DOCK1: variants seen among roughly 807,000 people sequenced by gnomAD.
DOCK1 encodes the protein dedicator of cytokinesis protein 1.
A neutral mutation model predicts 262.7 loss-of-function variants in DOCK1; 138 were observed. That is an observed-to-expected ratio of 0.53 (90% CI 0.46 to 0.61). DOCK1 has a LOEUF of 0.61. Ranked by LOEUF, DOCK1 falls within the 20% of genes least tolerant of loss-of-function variation. The pLI is 0.00. For synonymous variants in DOCK1, 866 were observed against 867.4 expected (o/e 1.00, Z 0.03); for missense variants, 1,908 against 2,370.7 (o/e 0.80, Z 4.05).
intron 23 of DOCK1, among the ~76,000 whole-genome samples, chr10:127,083,191 G>T (rs932223806): frequency 6.6e-6 from 1 of 152,206 alleles, no homozygotes; most frequent in Non-Finnish European, 1.5e-5. Context: ...TGAACATTTT[G>T]CCTGGCATGC....
intron 23 of DOCK1, among the ~76,000 whole-genome samples, chr10:127,079,273 G>C (rs1023213932): frequency 5.9e-5 from 9 of 152,144 alleles, no homozygotes; most frequent in African/African-American, 2.2e-4. Context: ...CAGCAACTCT[G>C]ACTCCTTCAG....
intron 27 of DOCK1, among the ~76,000 whole-genome samples, chr10:127,144,562 G>A (rs1287644343): frequency 6.6e-6 from 1 of 152,162 alleles, no homozygotes; most frequent in Non-Finnish European, 1.5e-5. Flanking sequence ...TCTAATCTCA[G>A]CAAAGTGCTG....
chr10:127,422,088 C>T (rs72843706), intron 46 of DOCK1, among the ~76,000 whole-genome samples: 21,000 of 150,256 alleles, frequency 0.14, 1,913 homozygotes, highest in African/African-American at 0.26. Context: ...CACCATTTGA[C>T]ATTCCCACCA....
chr10:127,237,328 C>G (rs1476667499), intron 27 of DOCK1, among the ~76,000 whole-genome samples: 3 of 148,422 alleles, frequency 2.0e-5, no homozygotes, highest in Admixed American at 6.8e-5. Context: ...CCATTGCACT[C>G]CACCCTGGGT....
intron 38 of DOCK1, among the ~76,000 whole-genome samples, chr10:127,398,716 A>T (rs898264069): frequency 7.3e-5 from 11 of 150,904 alleles, no homozygotes; most frequent in African/African-American, 2.7e-4. Flanking sequence ...AGTTACTTAC[A>T]GCTAGTCAGC....
At chr10:127,079,841 G>A (rs1323676202) in intron 23 of DOCK1, among the ~76,000 whole-genome samples, 1 of 152,172 alleles carries the variant, frequency 6.6e-6, no homozygotes, top group East Asian at 1.9e-4. Context: ...TGAGGCAGGA[G>A]AATTGCTTGA....
intron 29 of DOCK1, among the ~76,000 whole-genome samples, chr10:127,261,533 A>G (rs1258973328): frequency 2.2e-5 from 2 of 89,728 alleles, no homozygotes; most frequent in Non-Finnish European, 4.4e-5. Context: ...ATGTGTGTGC[A>G]TGTGGGTGTG....
chr10:127,257,690 G>C, intron 29 of DOCK1: 1 of 333,126 alleles, frequency 3.0e-6, no homozygotes, highest in Non-Finnish European at 5.7e-6. Flanking sequence ...ATCTCCCCTA[G>C]CTGTCATCAT....
intron 25 of DOCK1, among the ~76,000 whole-genome samples, chr10:127,114,759 CT>C (rs57979480): frequency 0.85 from 92,002 of 108,218 alleles, 38,938 homozygotes; most frequent in South Asian, 0.94. Flanking sequence ...TTTTTTCTTT[CT>C]TTTTTTTTTT....
intron 21 of DOCK1, among the ~76,000 whole-genome samples, chr10:127,045,415 G>A (rs146191580): frequency 2.0e-5 from 3 of 152,248 alleles, no homozygotes; most frequent in East Asian, 3.9e-4. Flanking sequence ...CATCATGGAA[G>A]GTCGCCTCCG....
rs1171770007 is a variant in DOCK1 at position 126,965,806 on chromosome 10, G to A, written c.47-4896G>A. Among the ~76,000 whole-genome samples, 5 of 152,192 alleles carry A rather than the reference G, an allele frequency of 3.3e-5. No homozygotes were observed. In the East Asian group the frequency reaches 7.7e-4, roughly 24 times the overall value. ...GTATTTATGGGGTACACCTTCATGTGGTACATATGAAGTATGGTGATCAGA... is the reference window on the plus strand; with the variant it reads ...GTATTTATGGGGTACACCTTCATGTAGTACATATGAAGTATGGTGATCAGA... On this transcript the variant is annotated intron_variant, in intron 1 of 51. Transcript: ENST00000623213.
At chr10:127,307,532 C>T (rs1165251930) in intron 29 of DOCK1, among the ~76,000 whole-genome samples, 4 of 152,220 alleles carry the variant, frequency 2.6e-5, no homozygotes, top group African/African-American at 9.6e-5. Context: ...CCTCATTTCT[C>T]CCCGATCCGA....
chr10:127,135,970 T>A (rs1373815822), intron 27 of DOCK1: 1 of 152,668 alleles, frequency 6.6e-6, no homozygotes, highest in Non-Finnish European at 1.5e-5. Context: ...ATATTTAGTC[T>A]ACGTGAAACA....
chr10:126,942,081 G>A (rs989995277), intron 1 of DOCK1, among the ~76,000 whole-genome samples: 1 of 152,066 alleles, frequency 6.6e-6, no homozygotes, highest in African/African-American at 2.4e-5. Flanking sequence ...CTGGAGTGCA[G>A]TGGCACGATC....
At chr10:127,356,632 G>C (rs1325748920) in intron 32 of DOCK1, among the ~76,000 whole-genome samples, 17 of 152,066 alleles carry the variant, frequency 1.1e-4, no homozygotes, top group Non-Finnish European at 2.9e-5. Flanking sequence ...GGCAGGAGAC[G>C]GGGGAGGGCT....
intron 22 of DOCK1, among the ~76,000 whole-genome samples, chr10:127,055,096 T>C (rs1394411898): frequency 6.6e-6 from 1 of 152,174 alleles, no homozygotes; most frequent in African/African-American, 2.4e-5. Context: ...CTAATAGTGC[T>C]TAGGAATATG....
intron 29 of DOCK1, among the ~76,000 whole-genome samples, chr10:127,283,003 G>T (rs1190862990): frequency 1.3e-5 from 2 of 152,208 alleles, no homozygotes; most frequent in Non-Finnish European, 2.9e-5. Context: ...CCCCACCAGG[G>T]CTGTCTGTCC....
At chr10:127,402,814 G>A in intron 38 of DOCK1, 1 of 628,948 alleles carries the variant, frequency 1.6e-6, no homozygotes, top group Non-Finnish European at 3.0e-6. Context: ...CTGTTACCAT[G>A]GCCAGAGGCC....
chr10:127,191,427 G>A (rs2056749625), intron 27 of DOCK1, among the ~76,000 whole-genome samples: 1 of 152,030 alleles, frequency 6.6e-6, no homozygotes, highest in East Asian at 1.9e-4. Flanking sequence ...CCTTCCCTAT[G>A]CTTGCCCCAT....
Sources: gnomAD v4.1 joint callset for allele counts (sites outside exome capture counted in the v4.1 genomes callset) on GRCh38, gnomAD v4.1.1 for gene constraint, MANE v1.5 for transcripts, NCBI Gene and HGNC (gene_info 2026-07-23, HGNC 2026-07-21) for gene names.